Variants in NCKAP5 observed in about 807,000 individuals in gnomAD.
The protein encoded by NCKAP5 is NCK associated protein 5, also known as nck-associated protein 5.
In NCKAP5, 92 loss-of-function variants were observed where a neutral mutation model predicts 167.0. That is an observed-to-expected ratio of 0.55 (90% CI 0.47 to 0.66). The LOEUF (loss-of-function observed/expected upper bound fraction) is 0.66, where lower values mean the gene tolerates loss of function less well. Ranked by LOEUF, NCKAP5 falls within the 30% of genes least tolerant of loss-of-function variation. The probability of loss-of-function intolerance (pLI) is 0.00; values close to 1 mark genes in which losing one functional copy is unlikely to be tolerated. For missense variants in NCKAP5, 2,378 were observed against 2,315.0 expected (o/e 1.03, Z -0.56); for synonymous variants, 891 against 877.4 (o/e 1.02, Z -0.27).
At chr2:133,108,959 C>T (rs1209435711) in intron 6 of NCKAP5, among the ~76,000 whole-genome samples, 1 of 152,112 alleles carries the variant, frequency 6.6e-6, no homozygotes, top group East Asian at 1.9e-4. Context: ...TAGGTTGTTT[C>T]CATATCACAG....
intron 11 of NCKAP5, among the ~76,000 whole-genome samples, chr2:132,855,239 G>C (rs1009357485): frequency 6.6e-6 from 1 of 152,180 alleles, no homozygotes; most frequent in Admixed American, 6.5e-5. Context: ...CTTAGTGCAT[G>C]ACACAGAATA....
rs1329906524 is a variant in NCKAP5, at chr2:132,783,725, A to G, written c.3086T>C (p.Phe1029Ser). The change falls in exon 14 of 20, where the codon TTC (phenylalanine) becomes TCC (serine). Residue 1029 changes from phenylalanine to serine, a missense_variant. This residue lies in a region of NCKAP5 where 1,325 missense variants were observed against 1,274.5 expected (regional missense o/e 1.04). Transcript: ENST00000409261. ...TGGAGGCCCCAGAGCCATTACGGTGAAGGAGCTGGAGGGGGCATGAGCAGG... is the reference window on the plus strand; with the variant it reads ...TGGAGGCCCCAGAGCCATTACGGTGGAGGAGCTGGAGGGGGCATGAGCAGG... Reference protein sequence around the residue: ...RCPAHAPSSSFTVMALGPPKV... With the variant: ...RCPAHAPSSSSTVMALGPPKV... 2 of 1,611,444 alleles carry G rather than the reference A, an allele frequency of 1.2e-6. No individual in the cohort carries two copies. The highest frequency in any genetic ancestry group is 2.7e-5 in the African/African-American group (2 of 74,786).
chr2:132,773,005 T>C (rs13396911), intron 16 of NCKAP5, among the ~76,000 whole-genome samples: 2,589 of 152,310 alleles, frequency 0.017, 73 homozygotes, highest in African/African-American at 0.06. Context: ...GAGCATGGTA[T>C]TCAGTACTGT....
chr2:133,384,947 C>G (rs1025884807), intron 3 of NCKAP5, among the ~76,000 whole-genome samples: 1 of 152,154 alleles, frequency 6.6e-6, no homozygotes, highest in Non-Finnish European at 1.5e-5. Flanking sequence ...AGATTTTGGG[C>G]TAAGTCGATG....
At chr2:133,540,849 T>C (rs910370137) in intron 2 of NCKAP5, among the ~76,000 whole-genome samples, 1 of 146,254 alleles carries the variant, frequency 6.8e-6, no homozygotes, top group Non-Finnish European at 1.5e-5. Context: ...GGCATGAAAA[T>C]CTCTTAAACC....
At chr2:133,436,270 G>C (rs1690471301) in intron 3 of NCKAP5, among the ~76,000 whole-genome samples, 1 of 152,152 alleles carries the variant, frequency 6.6e-6, no homozygotes, top group Admixed American at 6.5e-5. Context: ...GCCAGAACCT[G>C]GATCCACCTC....
intron 4 of NCKAP5, among the ~76,000 whole-genome samples, chr2:133,299,120 A>T (rs557679960): frequency 6.6e-6 from 1 of 152,158 alleles, no homozygotes; most frequent in Admixed American, 6.5e-5. Context: ...TTTTTGTTGT[A>T]TCCTACCAGC....
intron 5 of NCKAP5, among the ~76,000 whole-genome samples, chr2:133,190,433 T>A (rs7576835): frequency 6.6e-6 from 1 of 151,910 alleles, no homozygotes; most frequent in East Asian, 1.9e-4. Context: ...AAAGTTCATA[T>A]GGAACCAAAA....
intron 6 of NCKAP5, among the ~76,000 whole-genome samples, chr2:133,106,379 C>T (rs965548498): frequency 6.6e-6 from 1 of 151,248 alleles, no homozygotes; most frequent in Non-Finnish European, 1.5e-5. Context: ...CCAGGGGATA[C>T]GTTTTAGTGG....
intron 8 of NCKAP5, among the ~76,000 whole-genome samples, chr2:132,923,657 G>A (rs1399316268): frequency 6.6e-6 from 1 of 152,120 alleles, no homozygotes; most frequent in Non-Finnish European, 1.5e-5. Flanking sequence ...TGCTCAGCAC[G>A]AATTGGACGC....
intron 2 of NCKAP5, among the ~76,000 whole-genome samples, chr2:133,525,423 A>G (rs998070981): frequency 6.6e-6 from 1 of 152,196 alleles, no homozygotes; most frequent in African/African-American, 2.4e-5. Context: ...ATAAATGGCT[A>G]TGGCCAACAC....
chr2:132,872,817 G>GGA (rs1364133485), intron 9 of NCKAP5, among the ~76,000 whole-genome samples: 2 of 152,202 alleles, frequency 1.3e-5, no homozygotes, highest in African/African-American at 2.4e-5. Flanking sequence ...GAGGCAGCTA[G>GGA]GAGAAAGCAT....
intron 8 of NCKAP5, among the ~76,000 whole-genome samples, chr2:132,881,794 T>G (rs1045427817): frequency 3.3e-5 from 5 of 152,172 alleles, no homozygotes; most frequent in African/African-American, 4.8e-5. Context: ...GTAAAGTTAC[T>G]GATTCTCCTC....
the NCKAP5 span, among the ~76,000 whole-genome samples, chr2:133,652,140 C>A: frequency 1.3e-5 from 2 of 152,088 alleles, no homozygotes; most frequent in African/African-American, 4.8e-5. Context: ...GATAAGTATA[C>A]AAAGTTTGGT....
intron 3 of NCKAP5, among the ~76,000 whole-genome samples, chr2:133,303,566 T>C (rs915039951): frequency 6.6e-6 from 1 of 152,160 alleles, no homozygotes; most frequent in African/African-American, 2.4e-5. Context: ...CCCATATTCA[T>C]TGGGCACTTG....
chr2:133,465,677 C>G (rs571896436), intron 3 of NCKAP5, among the ~76,000 whole-genome samples: 1 of 152,116 alleles, frequency 6.6e-6, no homozygotes, highest in South Asian at 2.1e-4. Context: ...CCTGTTGTTT[C>G]CTGACTTTTT....
At chr2:132,993,705 CT>C (rs1473507952) in intron 7 of NCKAP5, among the ~76,000 whole-genome samples, 1 of 152,178 alleles carries the variant, frequency 6.6e-6, no homozygotes, top group Non-Finnish European at 1.5e-5. Context: ...CTAGGTGTCC[CT>C]TCTACCTGGA....
chr2:132,770,349 G>T (rs950406717), intron 16 of NCKAP5, among the ~76,000 whole-genome samples: 1 of 147,292 alleles, frequency 6.8e-6, no homozygotes, highest in Non-Finnish European at 1.5e-5. Flanking sequence ...TAATTAATAT[G>T]AATACAACAT....
At chr2:132,803,813 A>T (rs371113374) in intron 11 of NCKAP5, among the ~76,000 whole-genome samples, 38 of 152,188 alleles carry the variant, frequency 2.5e-4, no homozygotes, top group African/African-American at 8.9e-4. Flanking sequence ...GCTATGAGAG[A>T]CTCAAGGAAG....
Sources: allele counts gnomAD v4.1 joint callset (sites outside exome capture counted in the v4.1 genomes callset), GRCh38; gene constraint gnomAD v4.1.1; regional missense constraint gnomAD v4.1.1; transcripts MANE v1.5; gene names NCBI Gene and HGNC (gene_info 2026-07-23, HGNC 2026-07-21).